FRMD4B: variants seen among roughly 807,000 people sequenced by gnomAD.
The protein encoded by FRMD4B is FERM domain-containing protein 4B.
A neutral mutation model predicts 141.5 loss-of-function variants in FRMD4B; 74 were observed. The observed-to-expected ratio is 0.52, with a 90% CI of 0.43 to 0.63. FRMD4B has a LOEUF of 0.63. FRMD4B is among the 30% of genes least tolerant of loss of function. The probability of loss-of-function intolerance (pLI) is 0.00; values close to 1 mark genes in which losing one functional copy is unlikely to be tolerated. For missense variants in FRMD4B, 1,366 were observed against 1,253.4 expected (o/e 1.09, Z -1.36); for synonymous variants, 506 against 467.9 (o/e 1.08, Z -1.05).
chr3:69,299,980 C>T (rs946267759), intron 4 of FRMD4B, among the ~76,000 whole-genome samples: 1 of 152,122 alleles, frequency 6.6e-6, no homozygotes, highest in Non-Finnish European at 1.5e-5. Context: ...GAACCAAATG[C>T]TATCTTTGGC....
intron 1 of FRMD4B, among the ~76,000 whole-genome samples, chr3:69,351,343 C>A (rs187616206): frequency 6.6e-6 from 1 of 152,322 alleles, no homozygotes; most frequent in African/African-American, 2.4e-5. Flanking sequence ...AAGTCTCATA[C>A]TTGAATTATG....
At chr3:69,362,108 G>T (rs932652534) in intron 1 of FRMD4B, among the ~76,000 whole-genome samples, 1 of 152,146 alleles carries the variant, frequency 6.6e-6, no homozygotes, top group Non-Finnish European at 1.5e-5. Context: ...ATAGGTTTAG[G>T]TGATAATTGT....
At chr3:69,434,515 C>A (rs1477830535) in intron 1 of FRMD4B, among the ~76,000 whole-genome samples, 4 of 152,098 alleles carry the variant, frequency 2.6e-5, no homozygotes, top group Non-Finnish European at 5.9e-5. Context: ...CTTGAAAACC[C>A]CAGAACCCAG....
At chr3:69,438,816 G>A (rs1173724369) in intron 1 of FRMD4B, among the ~76,000 whole-genome samples, 1 of 152,132 alleles carries the variant, frequency 6.6e-6, no homozygotes, top group African/African-American at 2.4e-5. Flanking sequence ...AGCAGCCAAA[G>A]TGGGGGTAAA....
At chr3:69,326,188 C>G (rs899960280) in intron 1 of FRMD4B, among the ~76,000 whole-genome samples, 4 of 148,154 alleles carry the variant, frequency 2.7e-5, no homozygotes, top group African/African-American at 7.6e-5. Flanking sequence ...AACTCCTGGG[C>G]TCAAGTGATC....
In FRMD4B at chr3:69,337,511, G is replaced by A. The variant is rs560054111; in HGVS notation, c.163-23994C>T. Reference sequence around the variant, plus strand: ...CAGCAAAAGAAACTACCATCAGAGTGAACAGGCAACCTACAGAATGGGAGA... The same window carrying A: ...CAGCAAAAGAAACTACCATCAGAGTAAACAGGCAACCTACAGAATGGGAGA... On this transcript the variant is annotated intron_variant, in intron 1 of 22. Coordinates refer to ENST00000398540, the MANE Select transcript of FRMD4B (RefSeq NM_015123.3). Among the ~76,000 whole-genome samples the A allele has an allele frequency of 4.2e-3, 640 of 152,282 alleles. 3 individuals are homozygous for A. The highest frequency in any genetic ancestry group is 6.1e-3 in the Non-Finnish European group (412 of 68,034).
chr3:69,417,021 T>A (rs1021058185), intron 2 of FRMD4B, among the ~76,000 whole-genome samples: 2 of 152,218 alleles, frequency 1.3e-5, no homozygotes, highest in Admixed American at 6.5e-5. Context: ...TATGTGTGCA[T>A]GTGTCTTTAT....
At chr3:69,228,484 A>T in intron 7 of FRMD4B, 1 of 456,288 alleles carries the variant, frequency 2.2e-6, no homozygotes, top group Admixed American at 2.4e-5. Flanking sequence ...CATGTTTCAT[A>T]TAAGATACAG....
In FRMD4B at chr3:69,189,933, C is replaced by A; in HGVS notation, c.1734G>T (p.Glu578Asp). 6.3e-7 allele frequency: 1 copy of A among 1,597,924 alleles called. No individual in the cohort carries two copies. The highest frequency in any genetic ancestry group is 8.6e-7 in the Non-Finnish European group (1 of 1,165,638). ...TGGTGGTGTCAGACAAAGAGCTACT[C>A]TCTGAGGGGATTATGTCTTCTGTGA... ...TVLPEDIIPS[E>D]SSSLSDTTTY... is the part of the protein sequence containing the mutation. The change falls in exon 18 of 23, where the codon GAG becomes GAT. Residue 578 changes from glutamate (E) to aspartate (D), a missense_variant. Coordinates refer to ENST00000398540, the MANE Select transcript of FRMD4B (RefSeq NM_015123.3).
intron 1 of FRMD4B, among the ~76,000 whole-genome samples, chr3:69,491,354 C>T (rs571843083): frequency 7.3e-5 from 11 of 150,614 alleles, no homozygotes; most frequent in African/African-American, 7.3e-5. Flanking sequence ...CATTGAAAGA[C>T]GGAAGGAAGG....
At chr3:69,340,132 A>C (rs1007456431) in intron 1 of FRMD4B, among the ~76,000 whole-genome samples, 3 of 151,024 alleles carry the variant, frequency 2.0e-5, no homozygotes, top group Non-Finnish European at 4.4e-5. Context: ...CTCTAAAAAC[A>C]TAGATTAAAA....
At chr3:69,541,770 T>C (rs540008574) in intron 1 of FRMD4B, among the ~76,000 whole-genome samples, 201 of 151,422 alleles carry the variant, frequency 1.3e-3, no homozygotes, top group African/African-American at 4.8e-3. Context: ...CTTAGTGTCC[T>C]CTGCTAACTC....
At chr3:69,252,747 A>G (rs2093471128) in intron 5 of FRMD4B, among the ~76,000 whole-genome samples, 1 of 152,196 alleles carries the variant, frequency 6.6e-6, no homozygotes, top group Admixed American at 6.5e-5. Context: ...CCAGGACAGA[A>G]CATTGCTTTT....
At chr3:69,380,716 C>A (rs1014288823) in intron 1 of FRMD4B, among the ~76,000 whole-genome samples, 1 of 152,174 alleles carries the variant, frequency 6.6e-6, no homozygotes, top group African/African-American at 2.4e-5. Flanking sequence ...GCTGACCCAG[C>A]CTCTTATTGG....
At chr3:69,205,578 A>T (rs2093016648) in intron 11 of FRMD4B, among the ~76,000 whole-genome samples, 1 of 151,946 alleles carries the variant, frequency 6.6e-6, no homozygotes, top group Non-Finnish European at 1.5e-5. Context: ...ACTCCTCCCA[A>T]CCATCAACCT....
At chr3:69,523,161 T>C (rs1445959828) in intron 1 of FRMD4B, among the ~76,000 whole-genome samples, 2 of 149,198 alleles carry the variant, frequency 1.3e-5, no homozygotes, top group Non-Finnish European at 3.0e-5. Flanking sequence ...AGCACCAAAA[T>C]GGCAATGGAT....
intron 1 of FRMD4B, among the ~76,000 whole-genome samples, chr3:69,506,575 AC>A (rs1291716991): frequency 6.6e-6 from 1 of 151,458 alleles, no homozygotes; most frequent in Non-Finnish European, 1.5e-5. Flanking sequence ...TCGTTTTACC[AC>A]CCAGGCTGGA....
chr3:69,379,258 GT>G (rs1704052412), intron 1 of FRMD4B, among the ~76,000 whole-genome samples: 1 of 152,058 alleles, frequency 6.6e-6, no homozygotes, highest in Non-Finnish European at 1.5e-5. Context: ...TTGAACATTT[GT>G]TTTTTAATTT....
chr3:69,347,509 C>T (rs1245839945), intron 1 of FRMD4B, among the ~76,000 whole-genome samples: 1 of 152,226 alleles, frequency 6.6e-6, no homozygotes, highest in Non-Finnish European at 1.5e-5. Context: ...AACTCCCCAG[C>T]ACAAATCAAC....
Sources: allele counts gnomAD v4.1 joint callset (sites outside exome capture counted in the v4.1 genomes callset), GRCh38; gene constraint gnomAD v4.1.1; transcripts MANE v1.5; gene names NCBI Gene and HGNC (gene_info 2026-07-23, HGNC 2026-07-21).